MAGI2: variants seen among roughly 807,000 people sequenced by gnomAD.
MAGI2 encodes the protein membrane associated guanylate kinase, WW and PDZ domain containing 2.
Under a neutral mutation model 133.3 loss-of-function variants are expected in MAGI2, and 35 were observed. The observed-to-expected ratio is 0.26, with a 90% confidence interval of 0.20 to 0.35. MAGI2 has a LOEUF of 0.35. MAGI2 is among the 10% of genes least tolerant of loss of function. The pLI, the probability that MAGI2 is intolerant of heterozygous loss-of-function variation, is 1.00. For missense variants in MAGI2, 1,636 were observed against 1,863.4 expected, an observed-to-expected ratio of 0.88 and a Z score of 2.25; for synonymous variants, 729 against 710.6, an observed-to-expected ratio of 1.03 and a Z score of -0.41.
At chr7:78,555,177 T>TAAATAATA (rs1799691215) in intron 3 of MAGI2, among the ~76,000 whole-genome samples, 1 of 132,024 alleles carries the variant, frequency 7.6e-6, no homozygotes, top group East Asian at 2.1e-4. Flanking sequence ...AATAAATGAA[T>TAAATAATA]GATAGAGGAC....
At chr7:78,161,476 A>T (rs2150614098) in intron 15 of MAGI2, among the ~76,000 whole-genome samples, 1 of 152,244 alleles carries the variant, frequency 6.6e-6, no homozygotes, top group South Asian at 2.1e-4. Context: ...ACCATTAATT[A>T]TTCCATTTTG....
rs115140888 is a variant in MAGI2 at position 78,847,193 on chromosome 7, T to C, written c.418+159897A>G. On this transcript the variant is annotated intron_variant, in intron 2 of 21. Transcript: ENST00000354212. ...AATTTACAAGACATCTCATAATTAATATATTCATTTATTGAGTAACTTCCG... is the reference window on the plus strand; with the variant it reads ...AATTTACAAGACATCTCATAATTAACATATTCATTTATTGAGTAACTTCCG... 2.7e-3 allele frequency among the ~76,000 whole-genome samples: 418 copies of C among 152,122 alleles called. 3 individuals are homozygous for C. Among genetic ancestry groups the C allele is most frequent in the African/African-American group, 9.6e-3 (397 of 41,544 alleles).
intron 1 of MAGI2, among the ~76,000 whole-genome samples, chr7:79,349,479 A>AATG (rs1841550339): frequency 6.6e-6 from 1 of 151,982 alleles, no homozygotes; most frequent in African/African-American, 2.4e-5. Flanking sequence ...TAATAATAAT[A>AATG]ATAGCTAGCA....
chr7:78,039,325 C>T (rs1007864438), intron 21 of MAGI2, among the ~76,000 whole-genome samples: 12 of 152,198 alleles, frequency 7.9e-5, no homozygotes, highest in Non-Finnish European at 1.8e-4. Flanking sequence ...CTAAAGGTGC[C>T]AGTGTGGGGC....
At chr7:79,315,339 T>A (rs901152541) in intron 1 of MAGI2, among the ~76,000 whole-genome samples, 8 of 93,228 alleles carry the variant, frequency 8.6e-5, no homozygotes, top group South Asian at 7.2e-4. Context: ...TTTTTTTTTT[T>A]TTTTTTTGTA....
chr7:78,661,471 G>A (rs184301309), intron 2 of MAGI2, among the ~76,000 whole-genome samples: 291 of 152,220 alleles, frequency 1.9e-3, no homozygotes, highest in African/African-American at 6.5e-3. Flanking sequence ...TCCTTTTAAT[G>A]CCCTGACCAT....
chr7:78,769,204 T>G (rs1478613888), intron 2 of MAGI2, among the ~76,000 whole-genome samples: 2 of 152,128 alleles, frequency 1.3e-5, no homozygotes, highest in Non-Finnish European at 2.9e-5. Context: ...GAAAACATGA[T>G]AAGATACAAA....
chr7:78,296,311 C>G (rs973594559), intron 9 of MAGI2, among the ~76,000 whole-genome samples: 1 of 152,154 alleles, frequency 6.6e-6, no homozygotes, highest in African/African-American at 2.4e-5. Context: ...GTTCCCTAAC[C>G]AGCCTGTTGC....
chr7:78,890,636 A>G (rs972540116), intron 2 of MAGI2, among the ~76,000 whole-genome samples: 15 of 152,204 alleles, frequency 9.9e-5, no homozygotes, highest in Non-Finnish European at 1.9e-4. Flanking sequence ...TACTGGGAAC[A>G]TAACGAAATG....
intron 21 of MAGI2, among the ~76,000 whole-genome samples, chr7:78,062,552 C>T (rs532421691): frequency 6.6e-5 from 10 of 152,326 alleles, no homozygotes; most frequent in African/African-American, 2.4e-4. Context: ...CTCTCTGGTT[C>T]TCTTCCTGTC....
intron 1 of MAGI2, chr7:79,411,995 G>C (rs1407365641): frequency 1.3e-5 from 2 of 151,812 alleles, no homozygotes; most frequent in African/African-American, 2.4e-5. Flanking sequence ...CAGTTAATCA[G>C]GGTCATTTAA....
intron 1 of MAGI2, among the ~76,000 whole-genome samples, chr7:79,145,322 A>T (rs115778396): frequency 0.016 from 2,465 of 152,218 alleles, 71 homozygotes; most frequent in African/African-American, 0.056. Flanking sequence ...TAGCCTATTC[A>T]TTTCTCTAAT....
chr7:78,830,948 G>A lies in MAGI2; in HGVS notation c.418+176142C>T, dbSNP rs537700519. On this transcript the variant is annotated intron_variant, in intron 2 of 21. Transcript: ENST00000354212. ...TTCACCCACATTTCATTGATTTTGG[G>A]GAAGAGTATGGCAGTCTTTAGATAA... 4.6e-4 allele frequency among the ~76,000 whole-genome samples: 70 copies of A among 152,232 alleles called. 1 individual carries two copies. Among genetic ancestry groups the A allele is most frequent in the African/African-American group, 1.7e-3 (69 of 41,530 alleles).
At chr7:78,269,477 T>C (rs1004521910) in intron 9 of MAGI2, among the ~76,000 whole-genome samples, 11 of 152,246 alleles carry the variant, frequency 7.2e-5, no homozygotes, top group Non-Finnish European at 1.5e-4. Flanking sequence ...ATTGCCATTC[T>C]AACTGGCATG....
intron 2 of MAGI2, among the ~76,000 whole-genome samples, chr7:78,718,818 A>G (rs1192741313): frequency 6.6e-6 from 1 of 152,152 alleles, no homozygotes; most frequent in Non-Finnish European, 1.5e-5. Context: ...CCATGAAACC[A>G]GTCCCTGGTG....
At chr7:78,070,436 A>G (rs62461175) in intron 21 of MAGI2, among the ~76,000 whole-genome samples, 70,878 of 146,652 alleles carry the variant, frequency 0.48, 18,442 homozygotes, top group East Asian at 0.69. Flanking sequence ...ATGTGTATAT[A>G]TATATGTGTA....
At chr7:79,265,377 T>C (rs900024638) in intron 1 of MAGI2, among the ~76,000 whole-genome samples, 1 of 152,162 alleles carries the variant, frequency 6.6e-6, no homozygotes, top group Non-Finnish European at 1.5e-5. Context: ...AAATACCTAC[T>C]ATAGAATATA....
intron 1 of MAGI2, among the ~76,000 whole-genome samples, chr7:79,191,402 C>CT (rs71095386): frequency 0.03 from 667 of 22,288 alleles, 156 homozygotes; most frequent in East Asian, 0.038. Flanking sequence ...CTTTTTCTTT[C>CT]TTTTTTTTTT....
At chr7:78,808,624 A>G (rs567399626) in intron 2 of MAGI2, among the ~76,000 whole-genome samples, 8 of 152,374 alleles carry the variant, frequency 5.3e-5, no homozygotes, top group Non-Finnish European at 7.3e-5. Flanking sequence ...ACAAAGGAAC[A>G]GAATGTGAAA....
Sources: allele counts gnomAD v4.1 joint callset (sites outside exome capture counted in the v4.1 genomes callset), GRCh38; gene constraint gnomAD v4.1.1; transcripts MANE v1.5; gene names NCBI Gene and HGNC (gene_info 2026-07-23, HGNC 2026-07-21).